Variants in TMEM132C observed in about 807,000 individuals in gnomAD.
TMEM132C encodes protein phosphatase 1, regulatory subunit 152.
Under a neutral mutation model 61.4 loss-of-function variants are expected in TMEM132C, and 29 were observed. That is an observed-to-expected ratio of 0.47 (90% confidence interval 0.35 to 0.64). The LOEUF is 0.64. Ranked by LOEUF, TMEM132C falls within the 30% of genes least tolerant of loss-of-function variation. The pLI is 0.00. For synonymous variants in TMEM132C, 656 were observed against 633.1 expected, an observed-to-expected ratio of 1.04 and a Z score of -0.54; for missense variants, 1,408 against 1,476.9, an observed-to-expected ratio of 0.95 and a Z score of 0.76.
At chr12:128,437,847 G>C (rs1216439637) in intron 2 of TMEM132C, 7 of 152,108 alleles carry the variant, frequency 4.6e-5, no homozygotes, top group African/African-American at 1.7e-4. Context: ...ATTTTTCTTT[G>C]ACCCTGTTTT....
At chr12:128,367,176 A>G (rs1233459782) in intron 1 of TMEM132C, among the ~76,000 whole-genome samples, 1 of 152,198 alleles carries the variant, frequency 6.6e-6, no homozygotes, top group African/African-American at 2.4e-5. Context: ...GGCTTAGGGA[A>G]GGAAAGGAAG....
intron 1 of TMEM132C, among the ~76,000 whole-genome samples, chr12:128,311,418 A>G (rs1310699910): frequency 6.6e-6 from 1 of 152,230 alleles, no homozygotes; most frequent in African/African-American, 2.4e-5. Context: ...TGTACGCCAC[A>G]GGGGACTGAT....
At chr12:128,279,749 G>T (rs548296406) in intron 1 of TMEM132C, among the ~76,000 whole-genome samples, 2 of 152,312 alleles carry the variant, frequency 1.3e-5, no homozygotes, top group South Asian at 2.1e-4. Flanking sequence ...ATTGTCTGTT[G>T]TTCTCCATTC....
At chr12:128,489,734 CTCAG>C (rs971190433) in intron 2 of TMEM132C, among the ~76,000 whole-genome samples, 1 of 151,856 alleles carries the variant, frequency 6.6e-6, no homozygotes, top group African/African-American at 2.4e-5. Flanking sequence ...TTTCACATGC[CTCAG>C]TCAGAAATTT....
intron 1 of TMEM132C, among the ~76,000 whole-genome samples, chr12:128,289,944 C>T (rs968094715): frequency 7.9e-5 from 12 of 152,116 alleles, no homozygotes; most frequent in Admixed American, 5.9e-4. Context: ...GTCCTGAGGC[C>T]CTGATGAAGA....
chr12:128,705,919 T>C lies in TMEM132C; in HGVS notation c.2951T>C (p.Met984Thr). 1.9e-6 allele frequency: 3 copies of C among 1,551,314 alleles called. No individual in the cohort carries two copies. Among genetic ancestry groups the C allele is most frequent in the East Asian group, 2.4e-5 (1 of 40,882 alleles). ...AATGAGGCCGAACTCCTGGAGAGCA[T>C]GGGGGATGCGCCGCCGCCCCAGGAC... The part of the protein sequence containing the change: ...LGNEAELLES[M>T]GDAPPPQDEH... The change falls in exon 9 of 9, where the codon ATG (methionine) becomes ACG (threonine). Residue 984 changes from methionine to threonine, a missense_variant. Coordinates refer to ENST00000435159, the MANE Select transcript of TMEM132C (RefSeq NM_001136103.3).
At chr12:128,593,061 T>G (rs1050921726) in intron 3 of TMEM132C, among the ~76,000 whole-genome samples, 1 of 106,850 alleles carries the variant, frequency 9.4e-6, no homozygotes, top group Admixed American at 1.5e-4. Context: ...TGTCTTCTCT[T>G]TCTTTCCTTT....
At chr12:128,340,711 CTCTT>C (rs1409403444) in intron 1 of TMEM132C, among the ~76,000 whole-genome samples, 6 of 150,972 alleles carry the variant, frequency 4.0e-5, no homozygotes, top group South Asian at 2.1e-4. Flanking sequence ...CTCTTTCTTT[CTCTT>C]TCTTCCTTCC....
At chr12:128,598,510 C>T (rs1350459285) in intron 3 of TMEM132C, among the ~76,000 whole-genome samples, 1 of 152,054 alleles carries the variant, frequency 6.6e-6, no homozygotes, top group Non-Finnish European at 1.5e-5. Context: ...AGCAATGATG[C>T]AGGATCCCAC....
At chr12:128,407,047 G>A (rs191633938) in intron 1 of TMEM132C, among the ~76,000 whole-genome samples, 1 of 152,276 alleles carries the variant, frequency 6.6e-6, no homozygotes. Flanking sequence ...CTAGAACATG[G>A]TGATATGGTT....
chr12:128,528,589 T>C (rs1261779017), intron 2 of TMEM132C, among the ~76,000 whole-genome samples: 1 of 152,150 alleles, frequency 6.6e-6, no homozygotes, highest in East Asian at 1.9e-4. Context: ...TGTCCGTATC[T>C]GGGGCCAGAT....
chr12:128,498,414 A>G lies in TMEM132C; in HGVS notation c.975-45543A>G, dbSNP rs546488560. On this transcript the variant is annotated intron_variant, in intron 2 of 8. Coordinates refer to ENST00000435159, the MANE Select transcript of TMEM132C (RefSeq NM_001136103.3). ...AAGAAGGCTGGGTACAGTGGCTCAC[A>G]CCTGTAATCCCAGCACTTTGAGAGG... 1.3e-4 allele frequency among the ~76,000 whole-genome samples: 20 copies of G among 152,264 alleles called. 1 individual carries two copies. The South Asian group carries it at 3.7e-3, about 28-fold the overall frequency.
At chr12:128,360,363 A>G (rs1268650639) in intron 1 of TMEM132C, among the ~76,000 whole-genome samples, 1 of 152,190 alleles carries the variant, frequency 6.6e-6, no homozygotes. Flanking sequence ...AGATGATGAT[A>G]GAAATATCCT....
In TMEM132C at chr12:128,300,955, A is replaced by G. The variant is rs550320567; in HGVS notation, c.85+33468A>G. Among the ~76,000 whole-genome samples, 40 of 152,182 alleles carry G rather than the reference A, an allele frequency of 2.6e-4. No individual in the cohort carries two copies. The South Asian group carries it at 8.1e-3, about 31-fold the overall frequency. On this transcript the variant is annotated intron_variant, in intron 1 of 8. Transcript: ENST00000435159. Reference sequence around the variant, plus strand: ...ACTTGGGAGGCTGAGGTGGGAGGATATCTTGAGCTCAGGAGTTTGAGGCTA... The same window carrying G: ...ACTTGGGAGGCTGAGGTGGGAGGATGTCTTGAGCTCAGGAGTTTGAGGCTA...
chr12:128,466,726 C>G (rs1870749403), intron 2 of TMEM132C, among the ~76,000 whole-genome samples: 1 of 152,098 alleles, frequency 6.6e-6, no homozygotes, highest in South Asian at 2.1e-4. Flanking sequence ...CCATGTTGCC[C>G]AGGCTGGTCT....
intron 1 of TMEM132C, among the ~76,000 whole-genome samples, chr12:128,398,226 C>T (rs1401400681): frequency 6.6e-6 from 1 of 152,246 alleles, no homozygotes; most frequent in Non-Finnish European, 1.5e-5. Context: ...GCTCCATCTC[C>T]TGACCTTTCT....
intron 1 of TMEM132C, among the ~76,000 whole-genome samples, chr12:128,286,234 G>C (rs1334571436): frequency 6.6e-6 from 1 of 152,196 alleles, no homozygotes; most frequent in Non-Finnish European, 1.5e-5. Context: ...TTCTCAGGAA[G>C]GTCTTTGCTT....
At chr12:128,647,429 G>T (rs1954215851) in intron 4 of TMEM132C, among the ~76,000 whole-genome samples, 1 of 148,824 alleles carries the variant, frequency 6.7e-6, no homozygotes, top group South Asian at 2.2e-4. Context: ...GTGTTTACTA[G>T]CCCCTATCAG....
intron 2 of TMEM132C, among the ~76,000 whole-genome samples, chr12:128,444,866 T>A (rs946605486): frequency 6.6e-6 from 1 of 152,010 alleles, no homozygotes; most frequent in African/African-American, 2.4e-5. Context: ...CATTAGGAAG[T>A]GGTCTTAAGT....
Sources: allele counts gnomAD v4.1 joint callset (sites outside exome capture counted in the v4.1 genomes callset), GRCh38; gene constraint gnomAD v4.1.1; transcripts MANE v1.5; gene names NCBI Gene and HGNC (gene_info 2026-07-23, HGNC 2026-07-21).